Variants in NEUROG2 observed in about 807,000 individuals in gnomAD.
NEUROG2 encodes neurogenin 2.
A neutral mutation model predicts 2.8 loss-of-function variants in NEUROG2; 1 was observed. The ratio of observed to expected loss-of-function variants is 0.36; its 90% CI spans 0.13 to 1.71. The LOEUF is 1.71. Among genes scored for constraint, NEUROG2 ranks in the 40% most tolerant of loss-of-function variants. The probability of loss-of-function intolerance (pLI) is 0.34; values close to 1 mark genes in which losing one functional copy is unlikely to be tolerated. For synonymous variants in NEUROG2, 211 were observed against 187.7 expected (o/e 1.12, Z -1.01); for missense variants, 397 against 392.7 (o/e 1.01, Z -0.09).
rs1736358762 is a variant in NEUROG2 at position 112,513,611 on chromosome 4, T to C, written c.*1046A>G. 1 of 152,660 alleles carries C rather than the reference T, an allele frequency of 6.6e-6. No homozygotes were observed. Among genetic ancestry groups the C allele is most frequent in the Non-Finnish European group, 1.5e-5 (1 of 68,040 alleles). 9.5% of individuals were successfully genotyped at this position (152,660 alleles called of 1,614,324 possible). ...ACATACTAGAATAAACTCTGTAGAA[T>C]ATACAAAAAATACATATTTTCCCAT... On this transcript the variant is annotated 3_prime_UTR_variant, in exon 2 of 2. Transcript: ENST00000313341.
In NEUROG2 at chr4:112,515,227, T is replaced by A. The variant is rs1736405473; in HGVS notation, c.249A>T (p.Val83=). The A allele has an allele frequency of 2.5e-6, 4 of 1,602,942 alleles. No individual in the cohort carries two copies. Among genetic ancestry groups the A allele is most frequent in the Middle Eastern group, 3.3e-4 (2 of 6,050 alleles). ...GCRPARLLGL[V]HDCKRRPSRA... ...GGGAAGGGCGCCGTTTGCAATCGTG[T>A]ACCAGACCCAGCAGCCGTGCGGGCC... Residue 83 remains valine (V), a synonymous_variant, in exon 2 of 2, where the codon GTA becomes GTT. Transcript: ENST00000313341.
At position 112,515,166 on chromosome 4, in the gene NEUROG2, C is replaced by T; in HGVS notation, c.310G>A (p.Glu104Lys). ...RAVSRGAKTA[E>K]TVQRIKKTRR... ...GTCTTCTTGATGCGCTGCACCGTCT[C>T]GGCCGTCTTGGCGCCTCGGGAGACG... Residue 104 changes from glutamate (E) to lysine (K), a missense_variant, in exon 2 of 2, where the codon GAG (glutamate) becomes AAG (lysine). Physicochemically the swap from Glu to Lys is moderately conservative, Grantham distance 56 (BLOSUM62 1). Transcript: ENST00000313341. The T allele has an allele frequency of 6.2e-7, 1 of 1,613,220 alleles. No homozygotes were observed. The highest frequency in any genetic ancestry group is 8.5e-7 in the Non-Finnish European group (1 of 1,179,862).
chr4:112,514,801 G>C lies in NEUROG2; in HGVS notation c.675C>G (p.Ser225=). Residue 225 remains serine (S), a synonymous_variant, in exon 2 of 2, where the codon TCC becomes TCG. Transcript: ENST00000313341. ...SCTNSPAPSS[S]VSSNSTSPYS... is the part of the protein sequence containing the mutation. ...AGGGGGAGGTGGAATTGGAGGACACGGAGGAGGACGGCGCGGGGCTGTTGG... is the reference window on the plus strand; with the variant it reads ...AGGGGGAGGTGGAATTGGAGGACACCGAGGAGGACGGCGCGGGGCTGTTGG... 1 of 1,562,084 alleles carries C rather than the reference G, an allele frequency of 6.4e-7. No homozygotes were observed. Among genetic ancestry groups the C allele is most frequent in the Non-Finnish European group, 8.6e-7 (1 of 1,159,874 alleles).
chr4:112,515,328 C>A lies in NEUROG2; in HGVS notation c.148G>T (p.Gly50Trp). 1.4e-6 allele frequency: 2 copies of A among 1,436,290 alleles called. No homozygotes were observed. The highest frequency in any genetic ancestry group is 1.6e-5 in the South Asian group (1 of 62,626). 89.0% of individuals were successfully genotyped at this position (1,436,290 alleles called of 1,614,324 possible). A position where few individuals can be genotyped will look rare whatever the true frequency, so the allele number is the denominator to read the frequency against. The change falls in exon 2 of 2, where the codon GGG becomes TGG. Residue 50 changes from glycine to tryptophan, a missense_variant. Physicochemically the swap from Gly to Trp is radical, Grantham distance 184. Coordinates refer to ENST00000313341, the MANE Select transcript of NEUROG2 (RefSeq NM_024019.4). ...TCAGCCCCGCGCTGCCGACGCGCCC[C>A]GCCTGACGCGCCCGGCTCCTCCTCC... ...EEEEEPGASG[G>W]ARRQRGAEAG... is the part of the protein sequence containing the mutation.
chr4:112,515,548 C>T, intron 1 of NEUROG2, 72 bp from the exon 2 acceptor site: 1 of 1,350,660 alleles, frequency 7.4e-7, no homozygotes, highest in Non-Finnish European at 9.8e-7. Context: ...CTTCGTGTCA[C>T]AGGGGCGTGC....
At position 112,514,078 on chromosome 4, in the gene NEUROG2, T is replaced by C. The variant is rs1194775096; in HGVS notation, c.*579A>G. On this transcript the variant is annotated 3_prime_UTR_variant, in exon 2 of 2. Transcript: ENST00000313341. ...TGCACATCAGAGAGGGAAGTTTGGT[T>C]TGACAGGTGAAATTCCCACAGCCTG... 1 of 152,686 alleles carries C rather than the reference T, an allele frequency of 6.5e-6. No individual in the cohort carries two copies. The highest frequency in any genetic ancestry group is 1.5e-5 in the Non-Finnish European group (1 of 68,102). The allele number at this position is 152,686 out of a possible 1,614,324, so 9.5% of individuals were successfully genotyped here.
rs577532757 is a variant in NEUROG2 at position 112,515,319 on chromosome 4, G to A, written c.157C>T (p.Arg53Trp). ...EEPGASGGAR[R>W]QRGAEAGQGA... ...TGCCCGGCCTCAGCCCCGCGCTGCCGACGCGCCCCGCCTGACGCGCCCGGC... is the reference window on the plus strand; with the variant it reads ...TGCCCGGCCTCAGCCCCGCGCTGCCAACGCGCCCCGCCTGACGCGCCCGGC... Residue 53 changes from arginine (R) to tryptophan (W), a missense_variant, in exon 2 of 2, where the codon CGG becomes TGG. Arg to Trp is a moderately radical substitution (Grantham distance 101). Transcript: ENST00000313341. The A allele has an allele frequency of 2.8e-6, 4 of 1,418,814 alleles. No homozygotes were observed. Among genetic ancestry groups the A allele is most frequent in the Non-Finnish European group, 2.7e-6 (3 of 1,093,946 alleles). The allele number at this position is 1,418,814 out of a possible 1,614,324, so 87.9% of individuals were successfully genotyped here.
chr4:112,515,549 A>AT, intron 1 of NEUROG2, 73 bp from the exon 2 acceptor site: 1 of 1,348,996 alleles, frequency 7.4e-7, no homozygotes, highest in Non-Finnish European at 9.8e-7. Context: ...TTCGTGTCAC[A>AT]GGGGCGTGCT....
chr4:112,514,833 T>C lies in NEUROG2; in HGVS notation c.643A>G (p.Ser215Gly). The C allele has an allele frequency of 6.3e-7, 1 of 1,589,570 alleles. No individual in the cohort carries two copies. Among genetic ancestry groups the C allele is most frequent in the Non-Finnish European group, 8.5e-7 (1 of 1,171,590 alleles). The change falls in exon 2 of 2, where the codon AGT becomes GGT. Residue 215 changes from serine to glycine, a missense_variant. Ser to Gly is a moderately conservative substitution (Grantham distance 56). Transcript: ENST00000313341. ...GDSPSPASTW[S>G]CTNSPAPSSS... ...GACGGCGCGGGGCTGTTGGTGCAACTCCACGTGGAGGCGGGCGAGGGGCTG... is the reference window on the plus strand; with the variant it reads ...GACGGCGCGGGGCTGTTGGTGCAACCCCACGTGGAGGCGGGCGAGGGGCTG...
rs766568100 is a variant in NEUROG2, at chr4:112,514,676, A to G, written c.800T>C (p.Ile267Thr). The G allele has an allele frequency of 2.0e-6, 3 of 1,507,712 alleles. No individual in the cohort carries two copies. The highest frequency in any genetic ancestry group is 2.3e-5 in the East Asian group (1 of 42,810). The allele number at this position is 1,507,712 out of a possible 1,614,324, so 93.4% of individuals were successfully genotyped here. A position where few individuals can be genotyped will look rare whatever the true frequency, so the allele number is the denominator to read the frequency against. Residue 267 changes from isoleucine (I) to threonine (T), a missense_variant, in exon 2 of 2, where the codon ATA becomes ACA. Physicochemically the swap from Ile to Thr is moderately conservative, Grantham distance 89. Coordinates refer to ENST00000313341, the MANE Select transcript of NEUROG2 (RefSeq NM_024019.4). ...DKHRYAPHLPIARDCI is the reference protein window; with the variant it reads ...DKHRYAPHLPTARDCI ...GCAGCTCTAGATACAATCCCTGGCTATGGGGAGGTGAGGTGCATAGCGGTG... is the reference window on the plus strand; with the variant it reads ...GCAGCTCTAGATACAATCCCTGGCTGTGGGGAGGTGAGGTGCATAGCGGTG...
rs1345054925 is a variant in NEUROG2 at position 112,515,624 on chromosome 4, A to C, written c.-1-148T>G. 5 of 574,438 alleles carry C rather than the reference A, an allele frequency of 8.7e-6. No homozygotes were observed. The East Asian group carries it at 1.5e-4, about 17-fold the overall frequency. The allele number at this position is 574,438 out of a possible 1,614,324, so 35.6% of individuals were successfully genotyped here. ...AGCAGGAAGGCGAAGGAAGAAACCC[A>C]GGCAGTGCTAACCAAGGTCAGGAGC... is the stretch of plus-strand genomic sequence containing the variant. On this transcript the variant is annotated intron_variant, in intron 1 of 1. Coordinates refer to ENST00000313341, the MANE Select transcript of NEUROG2 (RefSeq NM_024019.4).
rs553805836 is a variant in NEUROG2, at chr4:112,515,053, C to G, written c.423G>C (p.Thr141=). 9.3e-6 allele frequency: 15 copies of G among 1,613,962 alleles called. No individual in the cohort carries two copies. Among genetic ancestry groups the G allele is most frequent in the Non-Finnish European group, 1.3e-5 (15 of 1,179,902 alleles). The change falls in exon 2 of 2, where the codon ACG becomes ACC. Residue 141 remains threonine (T), a synonymous_variant. Transcript: ENST00000313341. ...ALDALREVLP[T]FPEDAKLTKI... is the part of the protein sequence containing the mutation. ...TGGTGAGCTTGGCGTCCTCGGGGAACGTGGGGAGCACCTCGCGCAGCGCGT... is the reference window on the plus strand; with the variant it reads ...TGGTGAGCTTGGCGTCCTCGGGGAAGGTGGGGAGCACCTCGCGCAGCGCGT...
rs541880700 is a variant in NEUROG2, at chr4:112,515,116, G to A, written c.360C>T (p.Arg120=). 6.2e-7 allele frequency: 1 copy of A among 1,613,960 alleles called. No homozygotes were observed. Among genetic ancestry groups the A allele is most frequent in the Non-Finnish European group, 8.5e-7 (1 of 1,179,912 alleles). ...TGAGGTTGTGCATGCGGTTTCGCTCGCGGTTGTTGGCCTTCAGTCTACGGG... is the reference window on the plus strand; with the variant it reads ...TGAGGTTGTGCATGCGGTTTCGCTCACGGTTGTTGGCCTTCAGTCTACGGG... The part of the protein sequence containing the change: ...KKTRRLKANN[R]ERNRMHNLNA... The change falls in exon 2 of 2, where the codon CGC becomes CGT. Residue 120 remains arginine (R), a synonymous_variant. Coordinates refer to ENST00000313341, the MANE Select transcript of NEUROG2 (RefSeq NM_024019.4).
rs760974274 is a variant in NEUROG2, at chr4:112,514,861, T to C, written c.615A>G (p.Gly205=). 117 of 1,596,914 alleles carry C rather than the reference T, an allele frequency of 7.3e-5. 1 individual carries two copies. Among genetic ancestry groups the C allele is most frequent in the Non-Finnish European group, 9.4e-5 (110 of 1,174,694 alleles). ...ACGTGGAGGCGGGCGAGGGGCTGTCTCCGCTGCTGCTCAGGGCGGCGCTGG... is the reference window on the plus strand; with the variant it reads ...ACGTGGAGGCGGGCGAGGGGCTGTCCCCGCTGCTGCTCAGGGCGGCGCTGG... ...GGASAALSSS[G]DSPSPASTWS... is the part of the protein sequence containing the mutation. Residue 205 remains glycine (G), a synonymous_variant, in exon 2 of 2, where the codon GGA becomes GGG. Coordinates refer to ENST00000313341, the MANE Select transcript of NEUROG2 (RefSeq NM_024019.4).
At position 112,513,686 on chromosome 4, in the gene NEUROG2, G is replaced by A. The variant is rs908006273; in HGVS notation, c.*971C>T. Reference sequence around the variant, plus strand: ...AAGGGAACACGTGTGTGGCTGATCCGGATAATGCTCCGTGTCTGCTTAGGT... The same window carrying A: ...AAGGGAACACGTGTGTGGCTGATCCAGATAATGCTCCGTGTCTGCTTAGGT... On this transcript the variant is annotated 3_prime_UTR_variant, in exon 2 of 2. Transcript: ENST00000313341. 1 of 152,556 alleles carries A rather than the reference G, an allele frequency of 6.6e-6. No individual in the cohort carries two copies. The highest frequency in any genetic ancestry group is 1.5e-5 in the Non-Finnish European group (1 of 68,022). The allele number at this position is 152,556 out of a possible 1,614,324, so 9.5% of individuals were successfully genotyped here.
Position 112,515,349 on chromosome 4 carries a change from C to G in NEUROG2, c.127G>C (p.Glu43Gln). Residue 43 changes from glutamate (E) to glutamine (Q), a missense_variant, in exon 2 of 2, where the codon GAG becomes CAG. Glu to Gln is a conservative substitution (Grantham distance 29). Transcript: ENST00000313341. ...GCCCCGCCTGACGCGCCCGGCTCCT[C>G]CTCCTCTTCTTCGTCGGCGCTGGAT... ...LSSSADEEEE[E>Q]EPGASGGARR... 6.7e-7 allele frequency: 1 copy of G among 1,500,536 alleles called. No individual in the cohort carries two copies. The highest frequency in any genetic ancestry group is 8.8e-7 in the Non-Finnish European group (1 of 1,131,998). The allele number at this position is 1,500,536 out of a possible 1,614,324, so 93.0% of individuals were successfully genotyped here.
rs760516698 is a variant in NEUROG2, at chr4:112,515,428, C to T, written c.48G>A (p.Val16=). ...GGGAGGCCGATCCGAGCAGCACTAA[C>T]ACGTCCTCTTCCTCCTTCAACTCCA... ...ETLELKEEED[V]LVLLGSASPA... is the part of the protein sequence containing the mutation. Residue 16 remains valine, a synonymous_variant, in exon 2 of 2, where the codon GTG becomes GTA. Transcript: ENST00000313341. 1.3e-6 allele frequency: 2 copies of T among 1,530,006 alleles called. No homozygotes were observed. Among genetic ancestry groups the T allele is most frequent in the Non-Finnish European group, 1.7e-6 (2 of 1,151,664 alleles). The allele number at this position is 1,530,006 out of a possible 1,614,324, so 94.8% of individuals were successfully genotyped here. A position where few individuals can be genotyped will look rare whatever the true frequency, so the allele number is the denominator to read the frequency against.
At position 112,514,401 on chromosome 4, in the gene NEUROG2, G is replaced by T. The variant is rs145281881; in HGVS notation, c.*256C>A. On this transcript the variant is annotated 3_prime_UTR_variant, in exon 2 of 2. Transcript: ENST00000313341. The stretch of plus-strand genomic sequence containing the variant: ...CAGGGTCTTTTTCGTCTCAAGAAGC[G>T]CCCCCAAAACGCCACCCTTGGCTTT... 3.7e-3 allele frequency: 1,422 copies of T among 387,342 alleles called. 23 individuals are homozygous for T. Among genetic ancestry groups the T allele is most frequent in the African/African-American group, 0.025 (1,207 of 48,396 alleles). 24.0% of individuals were successfully genotyped at this position (387,342 alleles called of 1,614,324 possible).
In NEUROG2 at chr4:112,514,815, C is replaced by CG; in HGVS notation, c.660dup (p.Ala221ArgfsTer97). ...TTGGAGGACACGGAGGAGGACGGCG[C>CG]GGGGCTGTTGGTGCAACTCCACGTG... On this transcript the variant is annotated frameshift_variant, in exon 2 of 2. Transcript: ENST00000313341. LOFTEE classifies it high-confidence loss of function. 6.3e-7 allele frequency: 1 copy of CG among 1,575,222 alleles called. No individual in the cohort carries two copies. Among genetic ancestry groups the CG allele is most frequent in the Non-Finnish European group, 8.6e-7 (1 of 1,166,034 alleles).
Sources: allele counts gnomAD v4.1 joint callset, GRCh38; gene constraint gnomAD v4.1.1; transcripts MANE v1.5; gene names NCBI Gene and HGNC (gene_info 2026-07-23, HGNC 2026-07-21).